CNR2: variants seen among roughly 807,000 people sequenced by gnomAD.
CNR2 encodes cannabinoid receptor 2, also known as cannabinoid receptor 2 (macrophage).
For missense variants in CNR2, 379 were observed against 439.9 expected (o/e 0.86, Z 1.24); for synonymous variants, 172 against 182.2 (o/e 0.94, Z 0.45).
At chr1:23,901,666 C>T (rs554227447) in intron 1 of CNR2, 14 of 1,498,222 alleles carry the variant, frequency 9.3e-6, no homozygotes, top group South Asian at 9.0e-5. Flanking sequence ...CAACCTGGAC[C>T]GGGTGTTCAA....
In CNR2 at chr1:23,874,526, G is replaced by T; in HGVS notation, c.*9C>A. On this transcript the variant is annotated 3_prime_UTR_variant, in exon 2 of 2. Coordinates refer to ENST00000374472, the MANE Select transcript of CNR2 (RefSeq NM_001841.3). ...TGACTTGAGTTGTTTAAATTGGGAA[G>T]AGGCCTCATCAGCAATCAGAGAGGT... 1.2e-6 allele frequency: 2 copies of T among 1,605,220 alleles called. No homozygotes were observed. The highest frequency in any genetic ancestry group is 1.7e-6 in the Non-Finnish European group (2 of 1,175,358).
At chr1:23,887,387 GA>G (rs1640109920) in intron 1 of CNR2, among the ~76,000 whole-genome samples, 1 of 152,210 alleles carries the variant, frequency 6.6e-6, no homozygotes, top group Admixed American at 6.5e-5. Context: ...TTCCAGTCAG[GA>G]AATGGCTCAC....
In CNR2 at chr1:23,875,589, G is replaced by A. The variant is rs1639861134; in HGVS notation, c.29C>T (p.Ala10Val). Residue 10 changes from alanine to valine, a missense_variant, in exon 2 of 2, where the codon GCC (alanine) becomes GTC (valine). Ala to Val is a moderately conservative substitution (Grantham distance 64). Transcript: ENST00000374472. Reference sequence around the variant, plus strand: ...ATCCAAGCCATCCTTGGAGCCATTGGCTATCTCTGTCACCCAGCATTCCTC... The same window carrying A: ...ATCCAAGCCATCCTTGGAGCCATTGACTATCTCTGTCACCCAGCATTCCTC... MEECWVTEI[A>V]NGSKDGLDSN... 6.2e-7 allele frequency: 1 copy of A among 1,608,340 alleles called. No homozygotes were observed. The highest frequency in any genetic ancestry group is 1.3e-5 in the African/African-American group (1 of 74,834).
In CNR2 at chr1:23,875,470, C is replaced by T; in HGVS notation, c.148G>A (p.Glu50Lys). 2 of 1,614,214 alleles carry T rather than the reference C, an allele frequency of 1.2e-6. No homozygotes were observed. Among genetic ancestry groups the T allele is most frequent in the Non-Finnish European group, 1.7e-6 (2 of 1,180,048 alleles). Residue 50 changes from glutamate (E) to lysine (K), a missense_variant, in exon 2 of 2, where the codon GAG (glutamate) becomes AAG (lysine). Glu to Lys is a moderately conservative substitution (Grantham distance 56, BLOSUM62 1). Transcript: ENST00000374472. ...ATCAGATAGAGCACAGCCACGTTCTCCAGGGCACTTAGCAGGCCCAGAAGA... is the reference window on the plus strand; with the variant it reads ...ATCAGATAGAGCACAGCCACGTTCTTCAGGGCACTTAGCAGGCCCAGAAGA... ...CTLLGLLSAL[E>K]NVAVLYLILS... is the part of the protein sequence containing the mutation.
intron 1 of CNR2, among the ~76,000 whole-genome samples, chr1:23,890,005 T>C (rs990036989): frequency 2.0e-5 from 3 of 151,988 alleles, no homozygotes; most frequent in Non-Finnish European, 4.4e-5. Context: ...GCATGGGGGC[T>C]CTGCCTGTAA....
chr1:23,874,679 G>A lies in CNR2; in HGVS notation c.939C>T (p.Cys313=), dbSNP rs201210941. Reference sequence around the variant, plus strand: ...TCACACACTTCTTCCAGTGAGCCAGGCAGTGATGGGCAGAGGAGCGGATCT... The same window carrying A: ...TCACACACTTCTTCCAGTGAGCCAGACAGTGATGGGCAGAGGAGCGGATCT... ...SGEIRSSAHH[C]LAHWKKCVRG... Residue 313 remains cysteine (C), a synonymous_variant, in exon 2 of 2, where the codon TGC becomes TGT. Transcript: ENST00000374472. 1.1e-3 allele frequency: 1,811 copies of A among 1,614,172 alleles called. 40 individuals carry two copies. The South Asian group carries it at 0.018, about 16-fold the overall frequency.
chr1:23,911,408 C>T (rs1640581846), intron 1 of CNR2, among the ~76,000 whole-genome samples: 1 of 152,118 alleles, frequency 6.6e-6, no homozygotes, highest in Non-Finnish European at 1.5e-5. Context: ...GGACTTCAGA[C>T]AATCAAGTCC....
intron 1 of CNR2, chr1:23,902,832 C>T: frequency 3.2e-6 from 4 of 1,261,590 alleles, no homozygotes; most frequent in Non-Finnish European, 4.0e-6. Context: ...CGCTGCCCGG[C>T]CTTCCTGCCC....
Position 23,873,455 on chromosome 1 carries a change from C to G in CNR2, c.*1080G>C, listed in dbSNP as rs1448293161. The G allele has an allele frequency of 6.6e-6, 1 of 152,132 alleles. No individual in the cohort carries two copies. The highest frequency in any genetic ancestry group is 6.6e-5 in the Admixed American group (1 of 15,256). The allele number at this position is 152,132 out of a possible 1,614,324, so 9.4% of individuals were successfully genotyped here. A position where few individuals can be genotyped will look rare whatever the true frequency, so the allele number is the denominator to read the frequency against. ...TTCACCATATTGGTCAGGCTGGTCT[C>G]AAACTCCTGACCTCAGGTGATCCAC... On this transcript the variant is annotated 3_prime_UTR_variant, in exon 2 of 2. Coordinates refer to ENST00000374472, the MANE Select transcript of CNR2 (RefSeq NM_001841.3).
intron 1 of CNR2, among the ~76,000 whole-genome samples, chr1:23,898,225 C>G (rs1233026204): frequency 2.0e-5 from 3 of 151,242 alleles, no homozygotes; most frequent in South Asian, 2.1e-4. Context: ...TTTTAGTAGA[C>G]ACAGGGTTTC....
chr1:23,904,763 G>C (rs995019464), intron 1 of CNR2, among the ~76,000 whole-genome samples: 3 of 152,194 alleles, frequency 2.0e-5, no homozygotes, highest in South Asian at 2.1e-4. Context: ...TTCATACAAA[G>C]TAAGGCATTA....
intron 1 of CNR2, among the ~76,000 whole-genome samples, chr1:23,899,894 AG>A (rs1268109070): frequency 4.3e-3 from 2 of 462 alleles, no homozygotes; most frequent in Admixed American, 0.056. Flanking sequence ...AGAAAGAAAG[AG>A]AAAGAAAGAA....
At chr1:23,890,643 G>A (rs1236710723) in intron 1 of CNR2, among the ~76,000 whole-genome samples, 1 of 151,774 alleles carries the variant, frequency 6.6e-6, no homozygotes, top group Non-Finnish European at 1.5e-5. Flanking sequence ...TACTCGGGAG[G>A]CTGAGGCAAG....
At chr1:23,900,449 C>T (rs7520304) in intron 1 of CNR2, among the ~76,000 whole-genome samples, 148,292 of 151,186 alleles carry the variant, frequency 0.98, 72,791 homozygotes, top group East Asian at 1. Flanking sequence ...GGCTTATAGA[C>T]GGAGGGGCAT....
At chr1:23,889,413 T>C (rs1292533865) in intron 1 of CNR2, among the ~76,000 whole-genome samples, 1 of 152,154 alleles carries the variant, frequency 6.6e-6, no homozygotes, top group Non-Finnish European at 1.5e-5. Context: ...GAAGCCTAGG[T>C]TCTAGTCCTT....
intron 1 of CNR2, among the ~76,000 whole-genome samples, chr1:23,884,218 T>C (rs901492087): frequency 4.1e-5 from 6 of 147,596 alleles, no homozygotes; most frequent in African/African-American, 1.3e-4. Flanking sequence ...TAGCTGGGAT[T>C]ACAGGCACCT....
At chr1:23,903,742 A>G (rs1640441278) in intron 1 of CNR2, among the ~76,000 whole-genome samples, 1 of 152,202 alleles carries the variant, frequency 6.6e-6, no homozygotes, top group African/African-American at 2.4e-5. Context: ...GGGGAGCTTC[A>G]CTTTAACAAT....
chr1:23,876,404 A>G (rs1016214462), intron 1 of CNR2, among the ~76,000 whole-genome samples: 1 of 151,574 alleles, frequency 6.6e-6, no homozygotes, highest in African/African-American at 2.4e-5. Context: ...GGGTTTCACC[A>G]TGTTGGCCAG....
At chr1:23,898,935 G>T (rs532196748) in intron 1 of CNR2, among the ~76,000 whole-genome samples, 4 of 152,134 alleles carry the variant, frequency 2.6e-5, no homozygotes, top group Non-Finnish European at 5.9e-5. Context: ...TAACAGGCGT[G>T]AGCCACCACA....
Sources: gnomAD v4.1 joint callset for allele counts (sites outside exome capture counted in the v4.1 genomes callset) on GRCh38, gnomAD v4.1.1 for gene constraint, MANE v1.5 for transcripts, NCBI Gene and HGNC (gene_info 2026-07-23, HGNC 2026-07-21) for gene names.